WDR7: variants seen among roughly 807,000 people sequenced by gnomAD.
WDR7 encodes the protein WD repeat domain 7, also known as WD repeat-containing protein 7.
Under a neutral mutation model 169.4 loss-of-function variants are expected in WDR7, and 46 were observed. The ratio of observed to expected loss-of-function variants is 0.27; its 90% CI spans 0.21 to 0.35. WDR7 has a LOEUF of 0.35. Ranked by LOEUF, WDR7 falls within the 10% of genes least tolerant of loss-of-function variation. The pLI, the probability that WDR7 is intolerant of heterozygous loss-of-function variation, is 1.00. For missense variants in WDR7, 1,534 were observed against 1,859.3 expected (o/e 0.83, Z 3.22); for synonymous variants, 612 against 666.8 (o/e 0.92, Z 1.27).
Position 56,880,084 on chromosome 18 carries a change from A to G in WDR7, c.3445A>G (p.Arg1149Gly). 1 of 1,614,134 alleles carries G rather than the reference A, an allele frequency of 6.2e-7. No individual in the cohort carries two copies. Among genetic ancestry groups the G allele is most frequent in the Non-Finnish European group, 8.5e-7 (1 of 1,179,988 alleles). ...AEIEPPKLLTRPRSSSQIPEG... is the reference protein window; with the variant it reads ...AEIEPPKLLTGPRSSSQIPEG... ...AATTGAACCTCCTAAACTATTGACC[A>G]GACCTCGAAGCTCTAGCCAAATTCC... is the stretch of plus-strand genomic sequence containing the variant. Residue 1149 changes from arginine to glycine, a missense_variant, in exon 21 of 28, where the codon AGA becomes GGA. Physicochemically the swap from Arg to Gly is moderately radical, Grantham distance 125. Coordinates refer to ENST00000254442, the MANE Select transcript of WDR7 (RefSeq NM_015285.3).
intron 19 of WDR7, among the ~76,000 whole-genome samples, chr18:56,807,904 A>G (rs1568206881): frequency 6.6e-6 from 1 of 152,178 alleles, no homozygotes; most frequent in Non-Finnish European, 1.5e-5. Context: ...TAAATTTCTT[A>G]CAGAAAGGCT....
chr18:56,752,516 A>G (rs988819159), intron 14 of WDR7, among the ~76,000 whole-genome samples: 2 of 152,184 alleles, frequency 1.3e-5, no homozygotes, highest in African/African-American at 4.8e-5. Context: ...GAGTTCCATG[A>G]CTAGAAAAAC....
chr18:56,724,080 T>C (rs1424706655), intron 13 of WDR7, among the ~76,000 whole-genome samples: 1 of 151,982 alleles, frequency 6.6e-6, no homozygotes, highest in Non-Finnish European at 1.5e-5. Flanking sequence ...ACATCTGGAA[T>C]ATAATTATAA....
chr18:57,024,020 A>G (rs7237081), intron 27 of WDR7, among the ~76,000 whole-genome samples: 78,173 of 151,986 alleles, frequency 0.51, 20,937 homozygotes, highest in Middle Eastern at 0.62. Flanking sequence ...GCTTGTTTAT[A>G]TAAAATTTAT....
intron 26 of WDR7, among the ~76,000 whole-genome samples, chr18:56,980,882 C>T (rs183278228): frequency 3.8e-4 from 58 of 152,256 alleles, no homozygotes; most frequent in African/African-American, 1.3e-3. Flanking sequence ...CAGAGGCCCT[C>T]GCCAGTCAGG....
At chr18:56,729,480 T>C (rs78742014) in intron 13 of WDR7, among the ~76,000 whole-genome samples, 5,200 of 152,214 alleles carry the variant, frequency 0.034, 298 homozygotes, top group African/African-American at 0.12. Flanking sequence ...CACTTTATAC[T>C]ATGAATACTC....
rs748115745 is a variant in WDR7 at position 56,923,906 on chromosome 18, T to G, written c.3527-16T>G. 7.9e-6 allele frequency: 12 copies of G among 1,520,126 alleles called. No individual in the cohort carries two copies. Among genetic ancestry groups the G allele is most frequent in the Non-Finnish European group, 1.1e-5 (12 of 1,138,138 alleles). 94.2% of individuals were successfully genotyped at this position (1,520,126 alleles called of 1,614,324 possible). On this transcript the variant is annotated splice_polypyrimidine_tract_variant and intron_variant, in intron 21 of 27. Transcript: ENST00000254442. ...AAAATTCCCCTTTTGCTCTGCATTT[T>G]ATTCTATAATTTCAGGCAAGGCACT...
At chr18:56,716,842 A>C (rs1466843697) in intron 12 of WDR7, among the ~76,000 whole-genome samples, 3 of 152,228 alleles carry the variant, frequency 2.0e-5, no homozygotes, top group Non-Finnish European at 4.4e-5. Flanking sequence ...GCTACTACCC[A>C]ACCTCAGTAT....
In WDR7 at chr18:56,957,908, T is replaced by C. The variant is rs76256952; in HGVS notation, c.4065-4522T>C. 1.8e-3 allele frequency among the ~76,000 whole-genome samples: 273 copies of C among 152,258 alleles called. 1 individual carries two copies. Among genetic ancestry groups the C allele is most frequent in the African/African-American group, 6.5e-3 (271 of 41,556 alleles). ...AGATCATTGCAAATTGCTGAACTCA[T>C]AGTTAAAGTGATTTTACAGGTTTCT... On this transcript the variant is annotated intron_variant, in intron 25 of 27. Transcript: ENST00000254442.
intron 25 of WDR7, among the ~76,000 whole-genome samples, chr18:56,953,769 G>A (rs1298355557): frequency 6.6e-6 from 1 of 152,196 alleles, no homozygotes. Context: ...TTTTAGCAGA[G>A]TTTTCAAAGA....
chr18:56,762,928 C>A (rs79488182), intron 16 of WDR7, among the ~76,000 whole-genome samples: 1,997 of 149,782 alleles, frequency 0.013, 21 homozygotes, highest in East Asian at 0.033. Context: ...GGGTTGCCTA[C>A]GAATAAAGTT....
At chr18:56,744,272 AAG>A (rs1181032138) in intron 14 of WDR7, among the ~76,000 whole-genome samples, 1 of 145,764 alleles carries the variant, frequency 6.9e-6, no homozygotes, top group African/African-American at 2.5e-5. Context: ...AAAAAAAAGA[AAG>A]AGCACAGGCT....
intron 22 of WDR7, among the ~76,000 whole-genome samples, chr18:56,924,635 AG>A (rs1179988663): frequency 6.6e-6 from 1 of 152,218 alleles, no homozygotes; most frequent in Non-Finnish European, 1.5e-5. Flanking sequence ...GAGCTGCTAA[AG>A]TCAAATAGGT....
Position 56,829,019 on chromosome 18 carries a change from A to G in WDR7, c.3304+12875A>G, listed in dbSNP as rs552812752. On this transcript the variant is annotated intron_variant, in intron 20 of 27. Coordinates refer to ENST00000254442, the MANE Select transcript of WDR7 (RefSeq NM_015285.3). Reference sequence around the variant, plus strand: ...TTGTTTTAGGCAACATCCCTTAGGAACATGCTGCTCAGGGCTGAGCACAGT... The same window carrying G: ...TTGTTTTAGGCAACATCCCTTAGGAGCATGCTGCTCAGGGCTGAGCACAGT... 5.3e-5 allele frequency among the ~76,000 whole-genome samples: 8 copies of G among 151,870 alleles called. No homozygotes were observed. In the South Asian group the frequency reaches 1.7e-3, roughly 32 times the overall value.
chr18:56,695,837 A>G lies in WDR7; in HGVS notation c.1358-405A>G, dbSNP rs2025691167. On this transcript the variant is annotated intron_variant, in intron 11 of 27. Coordinates refer to ENST00000254442, the MANE Select transcript of WDR7 (RefSeq NM_015285.3). Reference sequence around the variant, plus strand: ...GAATGTCAACCATATATATATAACCATACCTGTAATTTCCTAATAGCTGTG... The same window carrying G: ...GAATGTCAACCATATATATATAACCGTACCTGTAATTTCCTAATAGCTGTG... Among the ~76,000 whole-genome samples, 4 of 152,232 alleles carry G rather than the reference A, an allele frequency of 2.6e-5. No individual in the cohort carries two copies. The South Asian group carries it at 8.3e-4, about 31-fold the overall frequency.
At chr18:56,905,104 A>T (rs1406412623) in intron 21 of WDR7, among the ~76,000 whole-genome samples, 1 of 152,020 alleles carries the variant, frequency 6.6e-6, no homozygotes, top group African/African-American at 2.4e-5. Flanking sequence ...GAACTTGTAG[A>T]CTGTATTATT....
chr18:56,742,436 C>A (rs2043633677), intron 14 of WDR7, among the ~76,000 whole-genome samples: 1 of 152,078 alleles, frequency 6.6e-6, no homozygotes, highest in Admixed American at 6.6e-5. Flanking sequence ...ATAATTTATT[C>A]TCTTCTAATA....
chr18:56,773,950 G>T (rs1194438150), intron 16 of WDR7, among the ~76,000 whole-genome samples: 1 of 150,368 alleles, frequency 6.7e-6, no homozygotes, highest in Non-Finnish European at 1.5e-5. Flanking sequence ...TGATTACCAT[G>T]AAATACTTTA....
At chr18:56,992,100 C>A (rs2047826902) in intron 26 of WDR7, among the ~76,000 whole-genome samples, 1 of 152,186 alleles carries the variant, frequency 6.6e-6, no homozygotes, top group Non-Finnish European at 1.5e-5. Context: ...TTTAGCTAAT[C>A]AAATAACAAC....
Sources: gnomAD v4.1 joint callset for allele counts (sites outside exome capture counted in the v4.1 genomes callset) on GRCh38, gnomAD v4.1.1 for gene constraint, MANE v1.5 for transcripts, NCBI Gene and HGNC (gene_info 2026-07-23, HGNC 2026-07-21) for gene names.